The following PTPRD variants were observed in gnomAD, a reference collection of about 807,000 sequenced individuals.
The protein encoded by PTPRD is protein tyrosine phosphatase receptor type D, also known as receptor-type tyrosine-protein phosphatase delta.
Under a neutral mutation model 214.5 loss-of-function variants are expected in PTPRD, and 34 were observed. The ratio of observed to expected loss-of-function variants is 0.16; its 90% CI spans 0.12 to 0.21. PTPRD has a LOEUF of 0.21. PTPRD is among the 10% of genes least tolerant of loss of function. The probability of loss-of-function intolerance (pLI) is 1.00; values close to 1 mark genes in which losing one functional copy is unlikely to be tolerated. For missense variants in PTPRD, 2,545 were observed against 2,398.7 expected, an observed-to-expected ratio of 1.06 and a Z score of -1.27; for synonymous variants, 1,128 against 845.7, an observed-to-expected ratio of 1.33 and a Z score of -5.79.
intron 5 of PTPRD, among the ~76,000 whole-genome samples, chr9:9,801,907 T>C (rs1830775): frequency 6.6e-6 from 1 of 151,764 alleles, no homozygotes; most frequent in Non-Finnish European, 1.5e-5. Flanking sequence ...ACAATCAGAA[T>C]ACTATAATGA....
intron 7 of PTPRD, among the ~76,000 whole-genome samples, chr9:9,665,402 A>C (rs1022792492): frequency 6.6e-6 from 1 of 151,796 alleles, no homozygotes; most frequent in African/African-American, 2.4e-5. Context: ...GATGTTTTTT[A>C]TTTAATATCA....
At chr9:9,611,955 C>T (rs865845091) in intron 7 of PTPRD, among the ~76,000 whole-genome samples, 5 of 151,920 alleles carry the variant, frequency 3.3e-5, no homozygotes, top group East Asian at 1.9e-4. Context: ...TATATACTTT[C>T]ACAAGAATTT....
At chr9:9,711,196 G>A (rs2097722301) in intron 7 of PTPRD, among the ~76,000 whole-genome samples, 1 of 152,218 alleles carries the variant, frequency 6.6e-6, no homozygotes, top group African/African-American at 2.4e-5. Context: ...AATATTAGAA[G>A]TGATTTAAGT....
chr9:9,121,965 A>G (rs2099818047), intron 10 of PTPRD, among the ~76,000 whole-genome samples: 1 of 152,320 alleles, frequency 6.6e-6, no homozygotes, highest in East Asian at 1.9e-4. Context: ...AAGTTTAATG[A>G]GCATCAAGAT....
chr9:9,594,078 A>T (rs1447858962), intron 7 of PTPRD, among the ~76,000 whole-genome samples: 1 of 152,078 alleles, frequency 6.6e-6, no homozygotes, highest in African/African-American at 2.4e-5. Context: ...TTCCTGTTGC[A>T]TTGAAAATAT....
chr9:9,760,649 CACACATATAT>C (rs1201059159), intron 6 of PTPRD, among the ~76,000 whole-genome samples: 24 of 83,454 alleles, frequency 2.9e-4, no homozygotes, highest in African/African-American at 1.2e-3. Context: ...CACACACACA[CACACATATAT>C]ATATATATTC....
At chr9:10,028,985 T>G (rs1470420236) in intron 4 of PTPRD, among the ~76,000 whole-genome samples, 1 of 152,112 alleles carries the variant, frequency 6.6e-6, no homozygotes. Flanking sequence ...CCCTGGGCTG[T>G]GTGCCGCCTA....
rs181192623 is a variant in PTPRD at position 9,947,542 on chromosome 9, A to T, written c.-471-8932T>A. 9.1e-3 allele frequency among the ~76,000 whole-genome samples: 186 copies of T among 20,376 alleles called. 3 individuals are homozygous for T. The highest frequency in any genetic ancestry group is 0.017 in the African/African-American group (45 of 2,576). 13.4% of individuals were successfully genotyped at this position (20,376 alleles called of 152,430 possible). A position where few individuals can be genotyped will look rare whatever the true frequency, so the allele number is the denominator to read the frequency against. On this transcript the variant is annotated intron_variant, in intron 4 of 45. Transcript: ENST00000381196. ...ATATATTATATATATTTTATATATA[A>T]TATATATATTATATATATATTTTAT...
At chr9:9,400,299 C>A (rs1188320815) in intron 8 of PTPRD, among the ~76,000 whole-genome samples, 4 of 151,668 alleles carry the variant, frequency 2.6e-5, no homozygotes, top group Non-Finnish European at 5.9e-5. Context: ...AAATGGTAAC[C>A]AAAATTTAAC....
intron 9 of PTPRD, among the ~76,000 whole-genome samples, chr9:9,262,804 T>C (rs2099980717): frequency 6.6e-6 from 1 of 151,664 alleles, no homozygotes; most frequent in Non-Finnish European, 1.5e-5. Context: ...ATTTGCATCA[T>C]TGACTTAGAT....
intron 12 of PTPRD, among the ~76,000 whole-genome samples, chr9:8,638,891 G>A (rs757918043): frequency 1.3e-5 from 2 of 151,866 alleles, no homozygotes; most frequent in Admixed American, 6.6e-5. Context: ...TCGCCAGGGT[G>A]GAGTGCAGTG....
intron 2 of PTPRD, among the ~76,000 whole-genome samples, chr9:10,502,743 C>T (rs1412166815): frequency 2.0e-5 from 3 of 152,002 alleles, no homozygotes; most frequent in Non-Finnish European, 4.4e-5. Context: ...TATACTGTTG[C>T]ATGTAGTTAT....
chr9:9,019,329 A>AAAGAAAGAAAGG (rs2099552762), intron 10 of PTPRD, among the ~76,000 whole-genome samples: 1 of 32,732 alleles, frequency 3.1e-5, no homozygotes, highest in Non-Finnish European at 7.8e-5. Flanking sequence ...AGAAAGAAAG[A>AAAGAAAGAAAGG]AAGAAAGAAC....
At chr9:8,958,777 C>G (rs868146694) in intron 11 of PTPRD, 8 of 151,908 alleles carry the variant, frequency 5.3e-5, no homozygotes, top group African/African-American at 1.9e-4. Flanking sequence ...CCTGAAGAAG[C>G]ATGTAGTCTT....
At chr9:10,551,149 C>G (rs948604433) in intron 2 of PTPRD, among the ~76,000 whole-genome samples, 2 of 152,038 alleles carry the variant, frequency 1.3e-5, no homozygotes, top group African/African-American at 2.4e-5. Context: ...GCCTGGGCAA[C>G]AGAGTGACAC....
At chr9:8,883,529 G>A (rs1215748462) in intron 11 of PTPRD, among the ~76,000 whole-genome samples, 1 of 152,090 alleles carries the variant, frequency 6.6e-6, no homozygotes, top group East Asian at 1.9e-4. Flanking sequence ...ACACCTGCTG[G>A]GAACTATGAG....
chr9:10,062,146 T>C (rs1039622876), intron 3 of PTPRD, among the ~76,000 whole-genome samples: 1 of 152,076 alleles, frequency 6.6e-6, no homozygotes, highest in African/African-American at 2.4e-5. Context: ...TGGTAGGATG[T>C]TACAACCAGC....
intron 12 of PTPRD, among the ~76,000 whole-genome samples, chr9:8,647,392 A>AT (rs2096717642): frequency 2.0e-5 from 3 of 152,302 alleles, no homozygotes; most frequent in African/African-American, 4.8e-5. Flanking sequence ...TATTTTACAT[A>AT]TTTTTTAACA....
intron 21 of PTPRD, 54 bp downstream of exon 21, chr9:8,517,794 C>G (rs1482800220): frequency 2.0e-6 from 3 of 1,471,484 alleles, no homozygotes; most frequent in African/African-American, 1.4e-5. Flanking sequence ...TCCTTCTCAC[C>G]TCTTTGCACC....
Sources: gnomAD v4.1 joint callset for allele counts (sites outside exome capture counted in the v4.1 genomes callset) on GRCh38, gnomAD v4.1.1 for gene constraint, MANE v1.5 for transcripts, NCBI Gene and HGNC (gene_info 2026-07-23, HGNC 2026-07-21) for gene names.